The following KCNAB1 variants were observed in gnomAD, a reference collection of about 807,000 sequenced individuals.
KCNAB1 encodes the protein potassium voltage-gated channel subfamily A regulatory beta subunit 1.
A neutral mutation model predicts 64.6 loss-of-function variants in KCNAB1; 35 were observed. That is an observed-to-expected ratio of 0.54 (90% CI 0.41 to 0.72). The LOEUF is 0.72. Among genes scored for constraint, KCNAB1 ranks in the 30% least tolerant of loss-of-function variants. KCNAB1 has a pLI of 0.00. For synonymous variants in KCNAB1, 177 were observed against 183.8 expected, an observed-to-expected ratio of 0.96 and a Z score of 0.30; for missense variants, 401 against 512.9, an observed-to-expected ratio of 0.78 and a Z score of 2.11.
chr3:156,474,959 T>C, intron 8 of KCNAB1, 139 bp downstream of exon 8: 2 of 682,072 alleles, frequency 2.9e-6, no homozygotes, highest in Non-Finnish European at 5.0e-6. Flanking sequence ...ACTGATGCCT[T>C]TTGGCCTCAG....
rs137964811 is a variant in KCNAB1 at position 156,298,740 on chromosome 3, G to A, written c.276-122876G>A. ...AGTCTCTTATGAGAAGAATTCAGTA[G>A]CATCAATTCATACTTTTTCTTGAAG... is the stretch of plus-strand genomic sequence containing the variant. On this transcript the variant is annotated intron_variant, in intron 1 of 13. Transcript: ENST00000490337. Among the ~76,000 whole-genome samples the A allele has an allele frequency of 1.7e-4, 26 of 152,274 alleles. 1 individual carries two copies. The East Asian group carries it at 4.2e-3, about 25-fold the overall frequency.
rs561886281 is a variant in KCNAB1 at position 156,474,536 on chromosome 3, T to A, written c.572-198T>A. 68 of 412,982 alleles carry A rather than the reference T, an allele frequency of 1.6e-4. No individual in the cohort carries two copies. In the South Asian group the frequency reaches 2.1e-3, roughly 13 times the overall value. The allele number at this position is 412,982 out of a possible 1,614,324, so 25.6% of individuals were successfully genotyped here. The stretch of plus-strand genomic sequence containing the variant: ...AATATTCCTGAAAAAGCTCTAAGAC[T>A]TTTTTTATTGGGGGAAGTCAGCCTT... On this transcript the variant is annotated intron_variant, in intron 7 of 13. Transcript: ENST00000490337.
At chr3:156,334,055 G>C (rs992968981) in intron 1 of KCNAB1, among the ~76,000 whole-genome samples, 3 of 152,066 alleles carry the variant, frequency 2.0e-5, no homozygotes, top group Non-Finnish European at 4.4e-5. Context: ...TTCGTGTCAT[G>C]CTTTAAAAAC....
At chr3:156,485,956 T>C (rs1439278964) in intron 8 of KCNAB1, among the ~76,000 whole-genome samples, 1 of 152,156 alleles carries the variant, frequency 6.6e-6, no homozygotes, top group Non-Finnish European at 1.5e-5. Context: ...TTCCATAGTA[T>C]TTTCCACACT....
intron 2 of KCNAB1, among the ~76,000 whole-genome samples, chr3:156,433,863 G>A (rs535727126): frequency 6.6e-6 from 1 of 152,116 alleles, no homozygotes; most frequent in Admixed American, 6.5e-5. Flanking sequence ...TTATCAATAT[G>A]TTGCCCCGTG....
intron 1 of KCNAB1, among the ~76,000 whole-genome samples, chr3:156,395,587 C>CAAAAAAAAAAAA (rs1713401443): frequency 1.6e-5 from 1 of 63,236 alleles, no homozygotes; most frequent in Non-Finnish European, 3.9e-5. Context: ...AAAAAAAAAT[C>CAAAAAAAAAAAA]AGACATTGTT....
At chr3:156,416,038 T>C (rs1027404236) in intron 1 of KCNAB1, among the ~76,000 whole-genome samples, 4 of 152,042 alleles carry the variant, frequency 2.6e-5, no homozygotes, top group African/African-American at 9.7e-5. Flanking sequence ...TATTCCTCCT[T>C]TTTCACCCTC....
intron 1 of KCNAB1, among the ~76,000 whole-genome samples, chr3:156,389,481 C>T (rs1180957769): frequency 6.6e-6 from 1 of 152,196 alleles, no homozygotes; most frequent in Non-Finnish European, 1.5e-5. Context: ...CATATGCCTG[C>T]CACCCCAGAT....
chr3:156,278,306 A>G (rs1395036159), intron 1 of KCNAB1, among the ~76,000 whole-genome samples: 2 of 152,178 alleles, frequency 1.3e-5, no homozygotes, highest in Non-Finnish European at 2.9e-5. Context: ...CCATCCCATC[A>G]TGCGAGGTTA....
chr3:156,506,791 A>G (rs1716861213), intron 8 of KCNAB1, among the ~76,000 whole-genome samples: 1 of 151,900 alleles, frequency 6.6e-6, no homozygotes, highest in South Asian at 2.1e-4. Context: ...TGTGAAGACC[A>G]CTCTTTCTTT....
chr3:156,275,238 A>C (rs1024532964), intron 1 of KCNAB1, among the ~76,000 whole-genome samples: 2 of 152,258 alleles, frequency 1.3e-5, no homozygotes, highest in African/African-American at 4.8e-5. Flanking sequence ...CTGTGTTCAT[A>C]TTAAATGTAC....
intron 1 of KCNAB1, among the ~76,000 whole-genome samples, chr3:156,208,014 G>A (rs1714770821): frequency 6.6e-6 from 1 of 152,152 alleles, no homozygotes; most frequent in South Asian, 2.1e-4. Context: ...GACCAAGAGT[G>A]GTGATTCAAA....
intron 1 of KCNAB1, among the ~76,000 whole-genome samples, chr3:156,214,315 A>G (rs1437028298): frequency 2.0e-5 from 3 of 152,140 alleles, no homozygotes; most frequent in African/African-American, 7.2e-5. Context: ...TATGATTGGC[A>G]TCTGAAGTTG....
At chr3:156,140,733 G>A (rs979080085) in intron 1 of KCNAB1, among the ~76,000 whole-genome samples, 4 of 152,030 alleles carry the variant, frequency 2.6e-5, no homozygotes, top group African/African-American at 7.3e-5. Context: ...ACAAAAATAC[G>A]GCAGAAATCA....
At chr3:156,235,318 T>C (rs1260665225) in intron 1 of KCNAB1, among the ~76,000 whole-genome samples, 2 of 152,250 alleles carry the variant, frequency 1.3e-5, no homozygotes, top group African/African-American at 4.8e-5. Flanking sequence ...TCTTCCTTCA[T>C]GTCACCTATT....
At chr3:156,204,560 G>A (rs1350534578) in intron 1 of KCNAB1, among the ~76,000 whole-genome samples, 1 of 151,428 alleles carries the variant, frequency 6.6e-6, no homozygotes, top group African/African-American at 2.4e-5. Flanking sequence ...GCCGGCCATG[G>A]TGGCTCACAC....
intron 1 of KCNAB1, among the ~76,000 whole-genome samples, chr3:156,409,336 AAAGT>A (rs1286606325): frequency 3.9e-5 from 6 of 152,370 alleles, no homozygotes; most frequent in Admixed American, 6.5e-5. Flanking sequence ...ACAAATGCAT[AAAGT>A]AAGGTTATTT....
At chr3:156,168,064 A>G (rs1229524803) in intron 1 of KCNAB1, among the ~76,000 whole-genome samples, 1 of 152,106 alleles carries the variant, frequency 6.6e-6, no homozygotes, top group African/African-American at 2.4e-5. Context: ...TTAGCCATCT[A>G]TGGTGGTGCA....
At chr3:156,387,255 G>A (rs1712690205) in intron 1 of KCNAB1, among the ~76,000 whole-genome samples, 1 of 152,044 alleles carries the variant, frequency 6.6e-6, no homozygotes, top group East Asian at 1.9e-4. Context: ...GTGCTGTAGG[G>A]ATTGCCCGAG....
Sources: gnomAD v4.1 joint callset for allele counts (sites outside exome capture counted in the v4.1 genomes callset) on GRCh38, gnomAD v4.1.1 for gene constraint, MANE v1.5 for transcripts, NCBI Gene and HGNC (gene_info 2026-07-23, HGNC 2026-07-21) for gene names.